The following SNX29 variants were observed in gnomAD, a reference collection of about 807,000 sequenced individuals.
SNX29 encodes the protein sorting nexin-29.
SNX29 carries 78 observed loss-of-function variants against 102.1 expected under a neutral mutation model. The observed-to-expected ratio is 0.76, with a 90% CI of 0.64 to 0.92. SNX29 has a LOEUF of 0.92. SNX29 is among the 40% of genes least tolerant of loss of function. The pLI, the probability that SNX29 is intolerant of heterozygous loss-of-function variation, is 0.00. For synonymous variants in SNX29, 580 were observed against 414.5 expected, an observed-to-expected ratio of 1.40 and a Z score of -4.85; for missense variants, 1,280 against 1,061.7, an observed-to-expected ratio of 1.21 and a Z score of -2.86.
At chr16:12,376,666 G>T (rs2151404499) in intron 16 of SNX29, among the ~76,000 whole-genome samples, 1 of 144,320 alleles carries the variant, frequency 6.9e-6, no homozygotes, top group Non-Finnish European at 1.5e-5. Flanking sequence ...GAACCTGGGA[G>T]GCAGAGGTTG....
rs1248526028 is a variant in SNX29, at chr16:12,307,084, C to T, written c.1782+29048C>T. Reference sequence around the variant, plus strand: ...GCCCCTCTCCTCTGAACCTCTGTTTCCTTCTTCTTAAACAGTTTGTGAACA... The same window carrying T: ...GCCCCTCTCCTCTGAACCTCTGTTTTCTTCTTCTTAAACAGTTTGTGAACA... On this transcript the variant is annotated intron_variant, in intron 15 of 20. Transcript: ENST00000566228. Among the ~76,000 whole-genome samples the T allele has an allele frequency of 2.0e-5, 3 of 152,260 alleles. No homozygotes were observed. In the East Asian group the frequency reaches 5.8e-4, roughly 29 times the overall value.
Position 12,329,340 on chromosome 16 carries a change from T to C in SNX29, c.1783-26823T>C, listed in dbSNP as rs140430717. Reference sequence around the variant, plus strand: ...AGCTCTAGGCGTCCATCTCAGCAGCTTAGCAACTGTAGGCAAAGACCTGGG... The same window carrying C: ...AGCTCTAGGCGTCCATCTCAGCAGCCTAGCAACTGTAGGCAAAGACCTGGG... On this transcript the variant is annotated intron_variant, in intron 15 of 20. Coordinates refer to ENST00000566228, the MANE Select transcript of SNX29 (RefSeq NM_032167.5). Among the ~76,000 whole-genome samples, 352 of 150,412 alleles carry C rather than the reference T, an allele frequency of 2.3e-3. 2 individuals are homozygous for C. Among genetic ancestry groups the C allele is most frequent in the African/African-American group, 8.4e-3 (345 of 41,018 alleles).
chr16:12,557,020 C>CCA (rs1555458266), intron 20 of SNX29, among the ~76,000 whole-genome samples: 1 of 37,206 alleles, frequency 2.7e-5, no homozygotes, highest in African/African-American at 8.4e-5. Flanking sequence ...AATTTACCCC[C>CCA]CCCCCGCCCC....
chr16:12,066,629 T>A (rs2051050544), intron 9 of SNX29, among the ~76,000 whole-genome samples: 1 of 151,296 alleles, frequency 6.6e-6, no homozygotes. Flanking sequence ...CAGAGGGCCT[T>A]GGGGCCATGA....
intron 20 of SNX29, among the ~76,000 whole-genome samples, chr16:12,562,670 G>T (rs1044705964): frequency 5.3e-5 from 8 of 152,184 alleles, no homozygotes; most frequent in African/African-American, 1.9e-4. Flanking sequence ...GGAAAGTCTA[G>T]ATTTACAGGC....
intron 16 of SNX29, among the ~76,000 whole-genome samples, chr16:12,377,906 T>G (rs1025272990): frequency 6.6e-6 from 1 of 152,164 alleles, no homozygotes; most frequent in African/African-American, 2.4e-5. Flanking sequence ...GGTTTTCCTT[T>G]GGGTTTTCAT....
At chr16:11,982,921 A>AT (rs900209274) in intron 1 of SNX29, among the ~76,000 whole-genome samples, 6 of 151,584 alleles carry the variant, frequency 4.0e-5, no homozygotes, top group Admixed American at 6.6e-5. Context: ...ATTAAAAAAA[A>AT]TTTTTTTTAA....
chr16:12,144,476 C>T (rs560147757), intron 13 of SNX29, among the ~76,000 whole-genome samples: 172 of 152,264 alleles, frequency 1.1e-3, no homozygotes, highest in Non-Finnish European at 1.9e-3. Flanking sequence ...AGACCATGAG[C>T]GCTCCACCCC....
intron 18 of SNX29, among the ~76,000 whole-genome samples, chr16:12,463,593 C>T (rs777813525): frequency 2.0e-4 from 31 of 152,310 alleles, no homozygotes; most frequent in Admixed American, 9.2e-4. Flanking sequence ...GCCCCTCCCA[C>T]AACACGTGGG....
At chr16:12,543,635 C>G (rs1371001572) in intron 20 of SNX29, among the ~76,000 whole-genome samples, 1 of 152,052 alleles carries the variant, frequency 6.6e-6, no homozygotes, top group Non-Finnish European at 1.5e-5. Flanking sequence ...TGCTCCGCAG[C>G]TGGTGCCGTC....
intron 15 of SNX29, among the ~76,000 whole-genome samples, chr16:12,337,342 T>G (rs1162013337): frequency 2.0e-5 from 3 of 151,872 alleles, no homozygotes; most frequent in Admixed American, 6.6e-5. Context: ...GATGGGTGTT[T>G]TGTTGTTGTT....
intron 15 of SNX29, among the ~76,000 whole-genome samples, chr16:12,352,464 T>A (rs2082016321): frequency 6.6e-6 from 1 of 152,114 alleles, no homozygotes; most frequent in Non-Finnish European, 1.5e-5. Context: ...CATGTATACA[T>A]ACGTAACAAA....
At chr16:11,992,840 A>G (rs948400441) in intron 1 of SNX29, among the ~76,000 whole-genome samples, 2 of 152,178 alleles carry the variant, frequency 1.3e-5, no homozygotes, top group African/African-American at 4.8e-5. Context: ...CCACCGCTGC[A>G]TGGAGAGACA....
intron 13 of SNX29, among the ~76,000 whole-genome samples, chr16:12,173,937 G>A (rs1308733967): frequency 6.6e-6 from 1 of 152,134 alleles, no homozygotes; most frequent in Non-Finnish European, 1.5e-5. Context: ...GCCCCACCAT[G>A]CTGGGCTAAT....
rs1480206608 is a variant in SNX29, at chr16:12,002,153, A to C, written c.70-838A>C. Among the ~76,000 whole-genome samples the C allele has an allele frequency of 3.3e-5, 5 of 152,220 alleles. No individual in the cohort carries two copies. The East Asian group carries it at 9.7e-4, about 29-fold the overall frequency. ...TATATTTTAATTTTACTAATTCAAAAAGTAGCCTGCAGGGCCGGGCGCATT... is the reference window on the plus strand; with the variant it reads ...TATATTTTAATTTTACTAATTCAAACAGTAGCCTGCAGGGCCGGGCGCATT... On this transcript the variant is annotated intron_variant, in intron 2 of 20. Transcript: ENST00000566228.
intron 11 of SNX29, chr16:12,088,202 G>A: frequency 2.3e-6 from 1 of 443,020 alleles, no homozygotes; most frequent in Non-Finnish European, 4.5e-6. Context: ...AGAGACAGGA[G>A]AGGCAGGAAC....
At chr16:12,438,588 G>T in intron 18 of SNX29, among the ~76,000 whole-genome samples, 1 of 152,244 alleles carries the variant, frequency 6.6e-6, no homozygotes, top group Non-Finnish European at 1.5e-5. Context: ...CTGGGTGCCA[G>T]GTAGAGGCAG....
intron 18 of SNX29, 50 bp downstream of exon 18, chr16:12,403,579 C>T: frequency 6.6e-7 from 1 of 1,526,624 alleles, no homozygotes; most frequent in South Asian, 1.2e-5. Flanking sequence ...GAAAAACGCC[C>T]ATTTGTCATG....
intron 19 of SNX29, among the ~76,000 whole-genome samples, chr16:12,500,440 C>G (rs1440440443): frequency 6.6e-6 from 1 of 152,214 alleles, no homozygotes; most frequent in Non-Finnish European, 1.5e-5. Flanking sequence ...GCTGGGACTT[C>G]TGACAGGAGT....
Sources: gnomAD v4.1 joint callset for allele counts (sites outside exome capture counted in the v4.1 genomes callset) on GRCh38, gnomAD v4.1.1 for gene constraint, MANE v1.5 for transcripts, NCBI Gene and HGNC (gene_info 2026-07-23, HGNC 2026-07-21) for gene names.